The following MPDZ variants were observed in gnomAD, a reference collection of about 807,000 sequenced individuals.
The protein encoded by MPDZ is multiple PDZ domain crumbs cell polarity complex component, also known as multiple PDZ domain protein.
MPDZ carries 234 observed loss-of-function variants against 239.1 expected under a neutral mutation model. The observed-to-expected ratio is 0.98, with a 90% CI of 0.88 to 1.09. The LOEUF (loss-of-function observed/expected upper bound fraction) is 1.09. Ranked by LOEUF, MPDZ falls within the 50% of genes least tolerant of loss-of-function variation. The pLI is 0.00. For missense variants in MPDZ, 3,175 were observed against 2,510.0 expected (o/e 1.26, Z -5.66); for synonymous variants, 1,048 against 881.3 (o/e 1.19, Z -3.35).
intron 26 of MPDZ, among the ~76,000 whole-genome samples, chr9:13,145,258 G>A (rs927755727): frequency 1.3e-5 from 2 of 151,962 alleles, no homozygotes; most frequent in Non-Finnish European, 2.9e-5. Context: ...GCTGAGAAAA[G>A]CAGAAATATT....
chr9:13,150,616 C>T lies in MPDZ; in HGVS notation c.3525G>A (p.Arg1175=). 1.9e-6 allele frequency: 3 copies of T among 1,539,234 alleles called. No homozygotes were observed. The highest frequency in any genetic ancestry group is 1.8e-6 in the Non-Finnish European group (2 of 1,140,664). The change falls in exon 25 of 47, where the codon CGG becomes CGA. Residue 1175 remains arginine, a synonymous_variant. Coordinates refer to ENST00000319217, the MANE Select transcript of MPDZ (RefSeq NM_001378778.1). ...CCCTCATCACTTCTCCATTGCTTAG[C>T]CGACTCCCCATCCCTCGTCCACCAA... The part of the protein sequence containing the change: ...SIVGGRGMGS[R]LSNGEVMRGI...
intron 34 of MPDZ, among the ~76,000 whole-genome samples, 159 bp from the exon 35 acceptor site, chr9:13,125,549 T>C (rs1008521331): frequency 1.3e-5 from 2 of 152,204 alleles, no homozygotes; most frequent in African/African-American, 4.8e-5. Flanking sequence ...AAGAAAGAAA[T>C]GGCTCTAGTT....
chr9:13,163,894 A>C (rs925572252), intron 22 of MPDZ, among the ~76,000 whole-genome samples: 1 of 152,168 alleles, frequency 6.6e-6, no homozygotes, highest in Non-Finnish European at 1.5e-5. Context: ...ATTCTATAGA[A>C]AGCATTCACT....
chr9:13,120,440 GCA>G (rs1451271871), intron 38 of MPDZ: 1 of 152,128 alleles, frequency 6.6e-6, no homozygotes, highest in East Asian at 1.9e-4. Flanking sequence ...TCTTCCCAAG[GCA>G]CAGAGTTTAG....
At chr9:13,261,424 T>C (rs1021411521) in intron 1 of MPDZ, among the ~76,000 whole-genome samples, 1 of 152,132 alleles carries the variant, frequency 6.6e-6, no homozygotes, top group Non-Finnish European at 1.5e-5. Context: ...AAACACAGTC[T>C]GCTTTGGTAT....
chr9:13,198,749 G>C (rs1245643286), intron 12 of MPDZ, among the ~76,000 whole-genome samples: 11 of 145,460 alleles, frequency 7.6e-5, no homozygotes, highest in Middle Eastern at 3.5e-3. Context: ...GTGTGTGTGT[G>C]TGTGTGTGTG....
At chr9:13,155,422 A>C (rs1450498905) in intron 24 of MPDZ, among the ~76,000 whole-genome samples, 1 of 152,152 alleles carries the variant, frequency 6.6e-6, no homozygotes, top group African/African-American at 2.4e-5. Flanking sequence ...TTAACTATCT[A>C]ATATGAATCT....
At chr9:13,137,858 T>C in intron 29 of MPDZ, 99 bp downstream of exon 29, 2 of 1,235,958 alleles carry the variant, frequency 1.6e-6, no homozygotes, top group South Asian at 3.0e-5. Context: ...AGCAATGGCT[T>C]TCTCAGTCAC....
rs552812411 is a variant in MPDZ, at chr9:13,135,916, G to T, written c.4383+176C>A. The T allele has an allele frequency of 9.9e-6, 5 of 506,040 alleles. No homozygotes were observed. The South Asian group carries it at 1.4e-4, about 14-fold the overall frequency. The allele number at this position is 506,040 out of a possible 1,614,324, so 31.3% of individuals were successfully genotyped here. ...GACTACAAGTACTCTTCACATAAGT[G>T]GTATGCTTATTTCCATGAGTGTCTT... On this transcript the variant is annotated intron_variant, in intron 31 of 46. Coordinates refer to ENST00000319217, the MANE Select transcript of MPDZ (RefSeq NM_001378778.1).
At chr9:13,241,891 C>G (rs1003798916) in intron 3 of MPDZ, among the ~76,000 whole-genome samples, 1 of 152,092 alleles carries the variant, frequency 6.6e-6, no homozygotes, top group Admixed American at 6.5e-5. Context: ...TGTGTTCCAC[C>G]TAACAAACTC....
intron 13 of MPDZ, among the ~76,000 whole-genome samples, chr9:13,193,823 C>G (rs937996377): frequency 1.3e-5 from 2 of 152,112 alleles, no homozygotes; most frequent in Non-Finnish European, 2.9e-5. Flanking sequence ...CATTTTCACA[C>G]AGAATCCAAT....
Position 13,222,290 on chromosome 9 carries a change from GCT to G in MPDZ, c.688_689del (p.Ser230ProfsTer18). On this transcript the variant is annotated frameshift_variant, in exon 6 of 47. Transcript: ENST00000319217. LOFTEE classifies it high-confidence loss of function. ...CAGATGGAGAACGGGAAACTATGGG[GCT>G]GACAAGCTGAGGCAATGAGCCTCTG... ...IARGSLPQLV[S>X]PIVSRSPSAA... The G allele has an allele frequency of 1.2e-6, 2 of 1,612,854 alleles. No individual in the cohort carries two copies. The highest frequency in any genetic ancestry group is 1.7e-6 in the Non-Finnish European group (2 of 1,179,248).
At chr9:13,247,941 A>T in intron 2 of MPDZ, 140 bp from the exon 3 acceptor site, 1 of 826,470 alleles carries the variant, frequency 1.2e-6, no homozygotes, top group Non-Finnish European at 1.8e-6. Context: ...ATAAAAAAAC[A>T]GTAGGCCGGA....
intron 3 of MPDZ, 31 bp from the exon 4 acceptor site, chr9:13,224,614 T>C (rs1468335509): frequency 7.0e-7 from 1 of 1,427,516 alleles, no homozygotes; most frequent in African/African-American, 1.4e-5. Context: ...ATTAAGAATT[T>C]TGACATTCCA....
At chr9:13,115,830 A>C (rs1943334753) in intron 39 of MPDZ, among the ~76,000 whole-genome samples, 1 of 151,816 alleles carries the variant, frequency 6.6e-6, no homozygotes, top group Non-Finnish European at 1.5e-5. Flanking sequence ...CTGTAGTCCC[A>C]GCTACTCAGG....
At chr9:13,161,945 A>G (rs950247167) in intron 23 of MPDZ, among the ~76,000 whole-genome samples, 2 of 152,138 alleles carry the variant, frequency 1.3e-5, no homozygotes, top group African/African-American at 4.8e-5. Flanking sequence ...AACATTCTCC[A>G]AAAGAGCAAG....
intron 12 of MPDZ, 103 bp downstream of exon 12, chr9:13,204,933 A>T (rs973626704): frequency 1.1e-5 from 8 of 698,284 alleles, no homozygotes; most frequent in Non-Finnish European, 1.7e-5. Context: ...AATTTTTTTT[A>T]GTAACTTACA....
chr9:13,258,230 A>G (rs753486300), intron 1 of MPDZ, among the ~76,000 whole-genome samples: 22 of 152,266 alleles, frequency 1.4e-4, no homozygotes, highest in Non-Finnish European at 2.6e-4. Context: ...CGTTTGAAAC[A>G]TAACACAAAC....
At chr9:13,141,419 GAC>G (rs1238228709) in intron 27 of MPDZ, among the ~76,000 whole-genome samples, 1 of 152,068 alleles carries the variant, frequency 6.6e-6, no homozygotes, top group Non-Finnish European at 1.5e-5. Context: ...GCATAAATAA[GAC>G]AGTACCAAAC....
Sources: allele counts gnomAD v4.1 joint callset (sites outside exome capture counted in the v4.1 genomes callset), GRCh38; gene constraint gnomAD v4.1.1; transcripts MANE v1.5; gene names NCBI Gene and HGNC (gene_info 2026-07-23, HGNC 2026-07-21).